MACROD2: variants seen among roughly 807,000 people sequenced by gnomAD.
MACROD2 encodes ADP-ribose glycohydrolase MACROD2.
MACROD2 carries 36 observed loss-of-function variants against 70.4 expected under a neutral mutation model. The observed-to-expected ratio is 0.51, with a 90% CI of 0.39 to 0.68. The LOEUF (loss-of-function observed/expected upper bound fraction) is 0.68. Ranked by LOEUF, MACROD2 falls within the 30% of genes least tolerant of loss-of-function variation. The pLI, the probability that MACROD2 is intolerant of heterozygous loss-of-function variation, is 0.00. For missense variants in MACROD2, 496 were observed against 538.4 expected (o/e 0.92, Z 0.78); for synonymous variants, 172 against 178.8 (o/e 0.96, Z 0.30).
chr20:14,368,783 A>G (rs1179687229), intron 3 of MACROD2, among the ~76,000 whole-genome samples: 5 of 152,220 alleles, frequency 3.3e-5, no homozygotes, highest in South Asian at 4.1e-4. Context: ...AATAACTTCA[A>G]TAACAGAAGG....
chr20:15,632,417 G>C (rs2049304995), intron 8 of MACROD2, among the ~76,000 whole-genome samples: 1 of 152,060 alleles, frequency 6.6e-6, no homozygotes, highest in Non-Finnish European at 1.5e-5. Context: ...GCGGCGAGGG[G>C]GGCCAGTTAC....
intron 8 of MACROD2, among the ~76,000 whole-genome samples, chr20:15,573,110 C>T (rs980133488): frequency 3.9e-5 from 6 of 152,118 alleles, no homozygotes; most frequent in African/African-American, 7.2e-5. Context: ...ACCATCCTAA[C>T]ACCAAAATAA....
intron 5 of MACROD2, among the ~76,000 whole-genome samples, chr20:15,027,556 GT>G (rs71190167): frequency 0.16 from 18,628 of 119,978 alleles, 1,541 homozygotes; most frequent in Non-Finnish European, 0.23. Flanking sequence ...GGTGGTGGTG[GT>G]GGGGGGAAAT....
chr20:14,465,749 C>A (rs1256004472), intron 3 of MACROD2, among the ~76,000 whole-genome samples: 1 of 152,064 alleles, frequency 6.6e-6, no homozygotes, highest in Non-Finnish European at 1.5e-5. Context: ...AATCTCTCAG[C>A]ATTTGCTTGT....
intron 5 of MACROD2, among the ~76,000 whole-genome samples, chr20:15,160,203 A>C (rs964319978): frequency 6.6e-6 from 1 of 152,004 alleles, no homozygotes; most frequent in African/African-American, 2.4e-5. Flanking sequence ...AGGCTCTTAC[A>C]ATTATCCAGG....
chr20:15,814,253 T>C (rs1280658045), intron 8 of MACROD2, among the ~76,000 whole-genome samples: 1 of 152,240 alleles, frequency 6.6e-6, no homozygotes, highest in Non-Finnish European at 1.5e-5. Context: ...CAGGGGTTCT[T>C]TTCCATTATA....
intron 5 of MACROD2, among the ~76,000 whole-genome samples, chr20:14,927,426 G>A (rs1322780179): frequency 6.6e-6 from 1 of 152,078 alleles, no homozygotes; most frequent in Non-Finnish European, 1.5e-5. Flanking sequence ...CCCACATATT[G>A]TCACTTACGA....
At position 14,739,468 on chromosome 20, in the gene MACROD2, A is replaced by T. The variant is rs6034024; in HGVS notation, c.418+54509A>T. On this transcript the variant is annotated intron_variant, in intron 5 of 17. Transcript: ENST00000684519. ...TGTGGGGTAGATGAGGTGGAAGTGG[A>T]TAAATAAGACCATGGACGGGAGCAA... is the stretch of plus-strand genomic sequence containing the variant. Among the ~76,000 whole-genome samples, 1,259 of 152,006 alleles carry T rather than the reference A, an allele frequency of 8.3e-3. 15 individuals are homozygous for T. Among genetic ancestry groups the T allele is most frequent in the African/African-American group, 0.029 (1,189 of 41,504 alleles).
At chr20:14,304,247 G>C (rs770540923) in intron 3 of MACROD2, among the ~76,000 whole-genome samples, 1 of 152,012 alleles carries the variant, frequency 6.6e-6, no homozygotes, top group South Asian at 2.1e-4. Flanking sequence ...TCTTTCAAAG[G>C]CTCATCTGAA....
intron 4 of MACROD2, among the ~76,000 whole-genome samples, chr20:14,566,201 G>A (rs1042315270): frequency 2.0e-5 from 3 of 151,964 alleles, no homozygotes; most frequent in Non-Finnish European, 4.4e-5. Context: ...AAAGAAAAAT[G>A]GGCAAAGGGC....
chr20:15,560,762 CAAAAAAAA>C (rs71190190), intron 8 of MACROD2, among the ~76,000 whole-genome samples: 7 of 22,092 alleles, frequency 3.2e-4, no homozygotes, highest in East Asian at 1.1e-3. Flanking sequence ...AACAAAGTCT[CAAAAAAAA>C]AAAAAAAAAA....
intron 3 of MACROD2, among the ~76,000 whole-genome samples, chr20:14,367,489 GT>G (rs2083283098): frequency 6.6e-6 from 1 of 152,120 alleles, no homozygotes; most frequent in African/African-American, 2.4e-5. Flanking sequence ...TGCTTTTTGT[GT>G]TGGTTTTCCT....
At chr20:14,807,701 G>A (rs1049533644) in intron 5 of MACROD2, among the ~76,000 whole-genome samples, 1 of 152,092 alleles carries the variant, frequency 6.6e-6, no homozygotes, top group Non-Finnish European at 1.5e-5. Context: ...TTGATAAAAG[G>A]TTAGAGGAAC....
chr20:15,491,202 C>A (rs931600486), intron 7 of MACROD2, among the ~76,000 whole-genome samples: 1 of 152,148 alleles, frequency 6.6e-6, no homozygotes, highest in Non-Finnish European at 1.5e-5. Flanking sequence ...ACTAGATGAC[C>A]TTTATACTCC....
At chr20:14,362,634 T>C (rs1391594558) in intron 3 of MACROD2, among the ~76,000 whole-genome samples, 1 of 152,114 alleles carries the variant, frequency 6.6e-6, no homozygotes, top group African/African-American at 2.4e-5. Context: ...AAACCAAACT[T>C]GCATCCCCAG....
At chr20:15,249,986 A>G (rs2077140768) in intron 6 of MACROD2, among the ~76,000 whole-genome samples, 1 of 152,222 alleles carries the variant, frequency 6.6e-6, no homozygotes, top group Non-Finnish European at 1.5e-5. Flanking sequence ...TACGTTGTTT[A>G]GACTTATCTA....
intron 4 of MACROD2, among the ~76,000 whole-genome samples, chr20:14,515,767 A>G (rs977994170): frequency 2.0e-5 from 3 of 151,964 alleles, no homozygotes; most frequent in Non-Finnish European, 2.9e-5. Flanking sequence ...GACTGGAGGA[A>G]TAAGTTTTAG....
chr20:15,391,811 G>A (rs2045796646), intron 6 of MACROD2, among the ~76,000 whole-genome samples: 1 of 152,140 alleles, frequency 6.6e-6, no homozygotes, highest in Non-Finnish European at 1.5e-5. Flanking sequence ...CACCGTTGAA[G>A]GGCTTCACTT....
At chr20:15,352,164 C>G (rs1453061802) in intron 6 of MACROD2, among the ~76,000 whole-genome samples, 1 of 152,112 alleles carries the variant, frequency 6.6e-6, no homozygotes. Context: ...GAAACAGAAC[C>G]AGAAGCCAAG....
Sources: gnomAD v4.1 joint callset for allele counts (sites outside exome capture counted in the v4.1 genomes callset) on GRCh38, gnomAD v4.1.1 for gene constraint, MANE v1.5 for transcripts, NCBI Gene and HGNC (gene_info 2026-07-23, HGNC 2026-07-21) for gene names.